KIF11: variants seen among roughly 807,000 people sequenced by gnomAD.
KIF11 encodes the protein kinesin-like protein KIF11.
Under a neutral mutation model 121.0 loss-of-function variants are expected in KIF11, and 9 were observed. That is an observed-to-expected ratio of 0.07 (90% CI 0.04 to 0.13). The LOEUF is 0.13. Among genes scored for constraint, KIF11 ranks in the 10% least tolerant of loss-of-function variants. The probability of loss-of-function intolerance (pLI) is 1.00; values close to 1 mark genes in which losing one functional copy is unlikely to be tolerated. For missense variants in KIF11, 846 were observed against 1,217.5 expected (o/e 0.69, Z 4.54); for synonymous variants, 408 against 421.0 (o/e 0.97, Z 0.38).
intron 21 of KIF11, 125 bp from the exon 22 acceptor site, chr10:92,653,540 C>CT: frequency 1.2e-6 from 1 of 810,378 alleles, no homozygotes; most frequent in Non-Finnish European, 1.9e-6. Flanking sequence ...TGTGCTGAAC[C>CT]TTTTTTGGTT....
intron 9 of KIF11, among the ~76,000 whole-genome samples, chr10:92,619,161 T>C (rs1469521645): frequency 2.0e-5 from 3 of 152,000 alleles, no homozygotes. Context: ...GGATTACAGG[T>C]GTTTGCCACC....
chr10:92,628,640 T>C (rs1299313724), intron 10 of KIF11, among the ~76,000 whole-genome samples, 168 bp from the exon 11 acceptor site: 1 of 152,216 alleles, frequency 6.6e-6, no homozygotes, highest in African/African-American at 2.4e-5. Context: ...TCTTTGTAAT[T>C]TGTATTTATT....
intron 4 of KIF11, 84 bp downstream of exon 4, chr10:92,607,321 G>C (rs1302081233): frequency 1.3e-6 from 1 of 747,468 alleles, no homozygotes; most frequent in African/African-American, 1.8e-5. Flanking sequence ...CTCTGTCTTG[G>C]AATAGAGATC....
intron 1 of KIF11, among the ~76,000 whole-genome samples, chr10:92,604,807 G>T (rs1173396755): frequency 6.6e-6 from 1 of 152,120 alleles, no homozygotes; most frequent in Admixed American, 6.6e-5. Flanking sequence ...GACATGTATT[G>T]AGTATATAAT....
chr10:92,650,058 G>A, intron 20 of KIF11, 72 bp downstream of exon 20: 1 of 1,162,328 alleles, frequency 8.6e-7, no homozygotes, highest in South Asian at 1.5e-5. Flanking sequence ...TTCATGTGAA[G>A]AATTTTACTG....
chr10:92,645,750 G>C, intron 18 of KIF11, 108 bp downstream of exon 18: 2 of 875,410 alleles, frequency 2.3e-6, no homozygotes, highest in Non-Finnish European at 3.5e-6. Flanking sequence ...AAGCTATAAT[G>C]ACTTAAACTT....
intron 20 of KIF11, 94 bp downstream of exon 20, chr10:92,650,080 A>G (rs1266911668): frequency 2.2e-6 from 2 of 900,218 alleles, no homozygotes; most frequent in Admixed American, 2.4e-5. Context: ...TTACCCCTCA[A>G]TCTTACCCCG....
rs17107764 is a variant in KIF11 at position 92,632,702 on chromosome 10, A to T, written c.1702+9A>T. On this transcript the variant is annotated intron_variant, in intron 13 of 21. Transcript: ENST00000260731. ...ACATAAGACCTTATTTGGTAAGTTC[A>T]GGCTGTTCTGTTCTAGTCTTGATGT... 98,853 of 1,562,260 alleles carry T rather than the reference A, an allele frequency of 0.063. 8,146 individuals are homozygous for T. Among genetic ancestry groups the T allele is most frequent in the African/African-American group, 0.4 (29,534 of 72,938 alleles).
intron 18 of KIF11, 93 bp downstream of exon 18, chr10:92,645,735 A>C: frequency 1.0e-6 from 1 of 991,806 alleles, no homozygotes; most frequent in Admixed American, 2.5e-5. Context: ...AACAAATGAT[A>C]TTTTAAGCTA....
At position 92,613,090 on chromosome 10, in the gene KIF11, T is replaced by C. The variant is rs201865099; in HGVS notation, c.749T>C (p.Ile250Thr). 1.8e-4 allele frequency: 298 copies of C among 1,612,552 alleles called. No homozygotes were observed. The highest frequency in any genetic ancestry group is 2.3e-4 in the Non-Finnish European group (276 of 1,179,024). The change falls in exon 7 of 22, where the codon ATT (isoleucine) becomes ACT (threonine). Residue 250 changes from isoleucine (I) to threonine (T), a missense_variant. Physicochemically the swap from Ile to Thr is moderately conservative, Grantham distance 89. Around this residue, in one of 5 missense-constraint regions of KIF11, gnomAD observed 116 missense variants for 285.3 expected, o/e 0.41. Transcript: ENST00000260731. This position sits in a 1 kb window ranked among gnomAD's most constrained non-coding sequence, Gnocchi z 4.2. ...SVTIHMKETT[I>T]DGEELVKIGK... ...ACAATACATATGAAAGAAACTACGA[T>C]TGATGGAGAAGAGCTTGTTAAAATC...
chr10:92,624,961 G>C (rs946588512), intron 10 of KIF11, among the ~76,000 whole-genome samples: 2 of 151,616 alleles, frequency 1.3e-5, no homozygotes, highest in Non-Finnish European at 2.9e-5. Context: ...GTAGAGATGG[G>C]GTTTCACCAT....
At chr10:92,646,470 A>C (rs1054680961) in intron 18 of KIF11, among the ~76,000 whole-genome samples, 27 of 152,158 alleles carry the variant, frequency 1.8e-4, no homozygotes, top group African/African-American at 6.5e-4. Flanking sequence ...TAAAATTTTT[A>C]ATCTATATAA....
At chr10:92,602,857 G>GT (rs1295311066) in intron 1 of KIF11, among the ~76,000 whole-genome samples, 2 of 118,082 alleles carry the variant, frequency 1.7e-5, no homozygotes, top group Non-Finnish European at 3.5e-5. Context: ...TGTGTGTGTG[G>GT]TTTTTTGTTT....
At chr10:92,597,176 C>A in intron 1 of KIF11, 1 of 271,434 alleles carries the variant, frequency 3.7e-6, no homozygotes, top group South Asian at 4.7e-5. Context: ...GCCAAAGGAT[C>A]TGACAATGTA....
rs199698837 is a variant in KIF11, at chr10:92,606,295, C to A, written c.108C>A (p.Ser36Arg). 6.2e-7 allele frequency: 1 copy of A among 1,604,042 alleles called. No individual in the cohort carries two copies. The highest frequency in any genetic ancestry group is 8.5e-7 in the Non-Finnish European group (1 of 1,177,618). The part of the protein sequence containing the change: ...RPFNLAERKA[S>R]AHSIVECDPV... The stretch of plus-strand genomic sequence containing the variant: ...TTAATTTGGCAGAGCGGAAAGCTAG[C>A]GCCCATTCAATAGTAGAATGTGATC... Residue 36 changes from serine (S) to arginine (R), a missense_variant, in exon 2 of 22, where the codon AGC becomes AGA. Ser to Arg is a moderately radical substitution (Grantham distance 110). Transcript: ENST00000260731.
chr10:92,623,887 CT>C (rs199719601), intron 10 of KIF11, among the ~76,000 whole-genome samples: 65 of 151,078 alleles, frequency 4.3e-4, no homozygotes, highest in Admixed American at 1.2e-3. Context: ...TGTTTGCTCT[CT>C]TTTTTTTTAA....
Position 92,639,849 on chromosome 10 carries a change from A to G in KIF11, c.2216A>G (p.Lys739Arg). Residue 739 changes from lysine to arginine, a missense_variant, in exon 17 of 22, where the codon AAG becomes AGG. Transcript: ENST00000260731. ...WTERFCALEE[K>R]CENIQKPLSS... ...GAGAGATTCTGTGCTTTGGAGGAAA[A>G]GTGTGAAAATATACAGAAACCACTT... 4.3e-6 allele frequency: 7 copies of G among 1,612,114 alleles called. No homozygotes were observed. The highest frequency in any genetic ancestry group is 5.9e-6 in the Non-Finnish European group (7 of 1,178,702).
intron 1 of KIF11, 48 bp from the exon 2 acceptor site, chr10:92,606,217 C>T (rs753104089): frequency 6.6e-7 from 1 of 1,508,404 alleles, no homozygotes; most frequent in Non-Finnish European, 8.8e-7. Flanking sequence ...TCATTGATAA[C>T]CTGAGAACTA....
Position 92,637,222 on chromosome 10 carries a change from G to T in KIF11, c.1914G>T (p.Met638Ile), listed in dbSNP as rs140625337. 4.5e-5 allele frequency: 71 copies of T among 1,586,520 alleles called. No homozygotes were observed. Among genetic ancestry groups the T allele is most frequent in the Non-Finnish European group, 5.7e-5 (67 of 1,173,562 alleles). ...CTGATCTTCTAAGTTCACTGGAAAT[G>T]ATTTTATCCCCAACTGTGGTGTCTA... ...LKTDLLSSLE[M>I]ILSPTVVSIL... Residue 638 changes from methionine to isoleucine, a missense_variant, in exon 15 of 22, where the codon ATG becomes ATT. This residue lies in a region of KIF11 where 492 missense variants were observed against 603.4 expected (regional missense o/e 0.82). Transcript: ENST00000260731.
Sources: allele counts gnomAD v4.1 joint callset (sites outside exome capture counted in the v4.1 genomes callset), GRCh38; gene constraint gnomAD v4.1.1; regional missense constraint gnomAD v4.1.1; non-coding constraint Gnocchi (gnomAD v3.1); transcripts MANE v1.5; gene names NCBI Gene and HGNC (gene_info 2026-07-23, HGNC 2026-07-21).